The following KLHL20 variants were observed in gnomAD, a reference collection of about 807,000 sequenced individuals.
KLHL20 encodes the protein kelch-like protein 20.
Under a neutral mutation model 69.5 loss-of-function variants are expected in KLHL20, and 29 were observed. The observed-to-expected ratio is 0.42, with a 90% CI of 0.31 to 0.57. The LOEUF (loss-of-function observed/expected upper bound fraction) is 0.57, where lower values mean the gene tolerates loss of function less well. Among genes scored for constraint, KLHL20 ranks in the 20% least tolerant of loss-of-function variants. The probability of loss-of-function intolerance (pLI) is 0.18; values close to 1 mark genes in which losing one functional copy is unlikely to be tolerated. For synonymous variants in KLHL20, 253 were observed against 265.2 expected, an observed-to-expected ratio of 0.95 and a Z score of 0.45; for missense variants, 419 against 776.0, an observed-to-expected ratio of 0.54 and a Z score of 5.47.
At chr1:173,776,605 CA>C (rs1252159805) in intron 10 of KLHL20, among the ~76,000 whole-genome samples, 4 of 151,902 alleles carry the variant, frequency 2.6e-5, no homozygotes, top group Non-Finnish European at 5.9e-5. Context: ...TTGTATATGG[CA>C]AAAAATGGGG....
intron 2 of KLHL20, among the ~76,000 whole-genome samples, chr1:173,728,651 A>G (rs1444423148): frequency 6.6e-6 from 1 of 152,276 alleles, no homozygotes; most frequent in Non-Finnish European, 1.5e-5. Context: ...ACTACTGAGC[A>G]TAACGAAATG....
At chr1:173,750,611 A>C (rs1673263458) in intron 3 of KLHL20, among the ~76,000 whole-genome samples, 1 of 150,894 alleles carries the variant, frequency 6.6e-6, no homozygotes, top group South Asian at 2.1e-4. Flanking sequence ...TCAGGGTTTC[A>C]CCATGTTGGC....
chr1:173,742,301 GTATC>G (rs1417909178), intron 3 of KLHL20, among the ~76,000 whole-genome samples: 1 of 152,110 alleles, frequency 6.6e-6, no homozygotes, highest in African/African-American at 2.4e-5. Flanking sequence ...AACTACGGCG[GTATC>G]TATCAAAGTT....
chr1:173,728,280 A>G (rs568731736), intron 2 of KLHL20, among the ~76,000 whole-genome samples: 1 of 152,346 alleles, frequency 6.6e-6, no homozygotes, highest in African/African-American at 2.4e-5. Flanking sequence ...TTAGACTCCC[A>G]CACAATAATA....
rs900767323 is a variant in KLHL20, at chr1:173,728,935, A to G, written c.24-4778A>G. ...ACCCCTTCAAAAAATCAATGAATCC[A>G]GGAGCTGGTTTTTTGAAAAGATCAA... On this transcript the variant is annotated intron_variant, in intron 2 of 11. Coordinates refer to ENST00000209884, the MANE Select transcript of KLHL20 (RefSeq NM_014458.4). Among the ~76,000 whole-genome samples the G allele has an allele frequency of 3.9e-5, 6 of 152,380 alleles. No individual in the cohort carries two copies. The East Asian group carries it at 1.2e-3, about 29-fold the overall frequency.
chr1:173,758,066 A>G (rs1006388463), intron 7 of KLHL20, among the ~76,000 whole-genome samples: 1 of 152,150 alleles, frequency 6.6e-6, no homozygotes, highest in African/African-American at 2.4e-5. Flanking sequence ...TCAGTCCCAT[A>G]GAAGTAAAAC....
chr1:173,764,477 A>T (rs1414627472), intron 7 of KLHL20, among the ~76,000 whole-genome samples: 2 of 152,236 alleles, frequency 1.3e-5, no homozygotes, highest in Non-Finnish European at 2.9e-5. Flanking sequence ...AGCAAACCAA[A>T]TGTCCGTCAA....
intron 3 of KLHL20, among the ~76,000 whole-genome samples, chr1:173,735,450 C>CAAA: frequency 9.3e-6 from 1 of 108,082 alleles, no homozygotes. Flanking sequence ...GACCCTATCT[C>CAAA]AAAAAAAAAA....
At chr1:173,781,458 G>C (rs1648870380) in intron 10 of KLHL20, among the ~76,000 whole-genome samples, 1 of 152,094 alleles carries the variant, frequency 6.6e-6, no homozygotes, top group African/African-American at 2.4e-5. Context: ...CGGGACTACA[G>C]GTATGCCCCA....
intron 3 of KLHL20, among the ~76,000 whole-genome samples, chr1:173,737,949 CTTT>C (rs79506793): frequency 2.9e-5 from 4 of 138,154 alleles, no homozygotes; most frequent in Non-Finnish European, 3.1e-5. Flanking sequence ...AGTATTTTAT[CTTT>C]TTTTTTTTTT....
intron 10 of KLHL20, among the ~76,000 whole-genome samples, chr1:173,776,691 T>C (rs1350251822): frequency 2.0e-5 from 3 of 152,214 alleles, no homozygotes; most frequent in Non-Finnish European, 4.4e-5. Flanking sequence ...TTCCCCAATA[T>C]ACGTTCCTAG....
chr1:173,778,056 G>A (rs925106874), intron 10 of KLHL20, among the ~76,000 whole-genome samples: 2 of 152,070 alleles, frequency 1.3e-5, no homozygotes, highest in Admixed American at 1.3e-4. Flanking sequence ...TTCTTTGCCG[G>A]AAGATTTTTT....
At chr1:173,773,569 A>C (rs943425433) in intron 8 of KLHL20, among the ~76,000 whole-genome samples, 1 of 152,130 alleles carries the variant, frequency 6.6e-6, no homozygotes, top group African/African-American at 2.4e-5. Flanking sequence ...AAAGACTTCT[A>C]CTTTCTAATA....
In KLHL20 at chr1:173,730,946, G is replaced by A. The variant is rs1274625149; in HGVS notation, c.24-2767G>A. Among the ~76,000 whole-genome samples, 3 of 152,076 alleles carry A rather than the reference G, an allele frequency of 2.0e-5. No homozygotes were observed. The East Asian group carries it at 5.8e-4, about 29-fold the overall frequency. On this transcript the variant is annotated intron_variant, in intron 2 of 11. Coordinates refer to ENST00000209884, the MANE Select transcript of KLHL20 (RefSeq NM_014458.4). ...GAGTAAACAGGCAACCTACAGAATG[G>A]GAGAAAATTTTTGCAATCTACTCAT...
At chr1:173,773,509 T>C (rs1345932536) in intron 8 of KLHL20, among the ~76,000 whole-genome samples, 5 of 151,754 alleles carry the variant, frequency 3.3e-5, no homozygotes, top group Non-Finnish European at 7.4e-5. Flanking sequence ...GGGATGGCAC[T>C]TTCTGTATTT....
chr1:173,750,814 G>C (rs1337467249), intron 3 of KLHL20, among the ~76,000 whole-genome samples: 1 of 152,128 alleles, frequency 6.6e-6, no homozygotes, highest in African/African-American at 2.4e-5. Flanking sequence ...TCCTGCCTCA[G>C]CCTCCCAAAT....
At chr1:173,733,021 C>CTTT (rs746523298) in intron 2 of KLHL20, among the ~76,000 whole-genome samples, 17 of 125,732 alleles carry the variant, frequency 1.4e-4, no homozygotes, top group East Asian at 6.9e-4. Context: ...TCAATCCAGA[C>CTTT]TTTTTTTTTT....
At chr1:173,779,940 A>G (rs1030935884) in intron 10 of KLHL20, among the ~76,000 whole-genome samples, 7 of 152,188 alleles carry the variant, frequency 4.6e-5, no homozygotes, top group African/African-American at 1.7e-4. Context: ...CTTCTGGGCG[A>G]AGTATAGAAT....
chr1:173,766,479 CAAA>C (rs1216941305), intron 8 of KLHL20, among the ~76,000 whole-genome samples, 190 bp downstream of exon 8: 1 of 99,388 alleles, frequency 1.0e-5, no homozygotes, highest in Non-Finnish European at 2.1e-5. Context: ...ATAAAAAATA[CAAA>C]AAAAAAAAAA....
Sources: allele counts gnomAD v4.1 joint callset (sites outside exome capture counted in the v4.1 genomes callset), GRCh38; gene constraint gnomAD v4.1.1; transcripts MANE v1.5; gene names NCBI Gene and HGNC (gene_info 2026-07-23, HGNC 2026-07-21).